The following KIF26B variants were observed in gnomAD, a reference collection of about 807,000 sequenced individuals.
The protein encoded by KIF26B is kinesin-like protein KIF26B.
A neutral mutation model predicts 151.2 loss-of-function variants in KIF26B; 63 were observed. That is an observed-to-expected ratio of 0.42 (90% CI 0.34 to 0.51). KIF26B has a LOEUF of 0.51. KIF26B is among the 20% of genes least tolerant of loss of function. The pLI is 0.07. For synonymous variants in KIF26B, 1,357 were observed against 1,262.1 expected, an observed-to-expected ratio of 1.08 and a Z score of -1.59; for missense variants, 2,813 against 2,913.6, an observed-to-expected ratio of 0.97 and a Z score of 0.79.
intron 4 of KIF26B, among the ~76,000 whole-genome samples, chr1:245,468,943 C>G (rs1479657271): frequency 2.6e-5 from 4 of 152,170 alleles, no homozygotes; most frequent in African/African-American, 7.2e-5. Context: ...AATATATATA[C>G]ACACATACCT....
At chr1:245,527,044 G>A (rs935809427) in intron 4 of KIF26B, among the ~76,000 whole-genome samples, 3 of 152,152 alleles carry the variant, frequency 2.0e-5, no homozygotes, top group Non-Finnish European at 2.9e-5. Context: ...GCTTTTAGGC[G>A]GGCTCTCTGT....
chr1:245,260,155 G>A (rs1330964277), intron 2 of KIF26B, among the ~76,000 whole-genome samples: 1 of 152,112 alleles, frequency 6.6e-6, no homozygotes. Context: ...TTGATGGTGA[G>A]AAGCTGGACT....
intron 2 of KIF26B, among the ~76,000 whole-genome samples, chr1:245,187,764 TAA>T (rs1285874942): frequency 1.3e-5 from 2 of 152,148 alleles, no homozygotes; most frequent in African/African-American, 2.4e-5. Context: ...TTCGTGGCTA[TAA>T]GAGATGATAA....
intron 4 of KIF26B, among the ~76,000 whole-genome samples, chr1:245,520,114 T>TGAGAGAGAGA (rs10650644): frequency 0.085 from 11,201 of 132,210 alleles, 575 homozygotes; most frequent in Middle Eastern, 0.13. Flanking sequence ...CTCAACTAAC[T>TGAGAGAGAGA]GAGAGAGAGA....
intron 2 of KIF26B, among the ~76,000 whole-genome samples, chr1:245,316,043 G>A (rs1671767371): frequency 2.0e-5 from 3 of 152,076 alleles, no homozygotes; most frequent in Admixed American, 2.0e-4. Context: ...GGCCTAACTA[G>A]ACCACAGCCT....
In KIF26B at chr1:245,257,282, T is replaced by C. The variant is rs538689231; in HGVS notation, c.465+100599T>C. Among the ~76,000 whole-genome samples the C allele has an allele frequency of 6.6e-5, 10 of 152,326 alleles. No homozygotes were observed. In the South Asian group the frequency reaches 2.1e-3, roughly 32 times the overall value. On this transcript the variant is annotated intron_variant, in intron 2 of 14. Transcript: ENST00000407071. ...ATTGACCTCTTGTGTTTCCCTACAA[T>C]GTATACAACCAAGCTATAGCCCGAC...
chr1:245,292,095 T>C (rs551891717), intron 2 of KIF26B, among the ~76,000 whole-genome samples: 12 of 152,234 alleles, frequency 7.9e-5, no homozygotes, highest in Non-Finnish European at 7.3e-5. Context: ...CGTGCAAGGC[T>C]GGACATGAAA....
In KIF26B at chr1:245,602,423, A is replaced by T. The variant is rs1353237019; in HGVS notation, c.1351-154A>T. Among the ~76,000 whole-genome samples, 14 of 152,234 alleles carry T rather than the reference A, an allele frequency of 9.2e-5. No individual in the cohort carries two copies. The highest frequency in any genetic ancestry group is 2.9e-4 in the African/African-American group (12 of 41,460). ...TCAGTTTTCCCGTGACCCACCAAGG[A>T]TGATGTTGCTAATTCACTGTGCATT... On this transcript the variant is annotated intron_variant, in intron 5 of 14. Transcript: ENST00000407071. The surrounding 1 kb of genome is among the most constrained non-coding windows in gnomAD (Gnocchi z 4.5).
At chr1:245,187,101 C>T (rs754929789) in intron 2 of KIF26B, among the ~76,000 whole-genome samples, 4 of 152,164 alleles carry the variant, frequency 2.6e-5, no homozygotes, top group African/African-American at 4.8e-5. Context: ...ATGATCTGTC[C>T]GCCTTGGACT....
chr1:245,696,269 C>T (rs995180521), intron 12 of KIF26B, among the ~76,000 whole-genome samples: 4 of 152,192 alleles, frequency 2.6e-5, no homozygotes, highest in African/African-American at 9.6e-5. Flanking sequence ...TGGGGGATGC[C>T]AGCTGCCATG....
chr1:245,528,329 G>A (rs1027280630), intron 4 of KIF26B, among the ~76,000 whole-genome samples: 2 of 152,162 alleles, frequency 1.3e-5, no homozygotes, highest in Non-Finnish European at 2.9e-5. Flanking sequence ...CCAGGTGCAC[G>A]GCGGCTGTCA....
intron 3 of KIF26B, among the ~76,000 whole-genome samples, chr1:245,409,176 G>A (rs1054360696): frequency 1.3e-5 from 2 of 152,186 alleles, no homozygotes; most frequent in Admixed American, 6.5e-5. Flanking sequence ...GTGCAAAACT[G>A]CAAGCTTCAT....
At chr1:245,631,509 T>A (rs1372422047) in intron 9 of KIF26B, among the ~76,000 whole-genome samples, 1 of 152,184 alleles carries the variant, frequency 6.6e-6, no homozygotes. Flanking sequence ...ATTGGTGTGT[T>A]GTTAGATTTG....
chr1:245,614,130 T>C (rs868378069), intron 9 of KIF26B, among the ~76,000 whole-genome samples: 1 of 152,160 alleles, frequency 6.6e-6, no homozygotes, highest in Admixed American at 6.5e-5. Context: ...CACGCGTCTC[T>C]TGTTTCTTCT....
In KIF26B at chr1:245,506,840, G is replaced by A. The variant is rs184505534; in HGVS notation, c.1167-33927G>A. Among the ~76,000 whole-genome samples the A allele has an allele frequency of 2.6e-3, 397 of 152,184 alleles. 1 individual carries two copies. The highest frequency in any genetic ancestry group is 8.7e-3 in the African/African-American group (361 of 41,520). On this transcript the variant is annotated intron_variant, in intron 4 of 14. Coordinates refer to ENST00000407071, the MANE Select transcript of KIF26B (RefSeq NM_018012.4). ...GGATTACAACCATGTAATTACACTC[G>A]GCTAAATTTTTTTGTATTTATTAGA...
intron 2 of KIF26B, among the ~76,000 whole-genome samples, chr1:245,221,331 C>T (rs1481949666): frequency 6.9e-6 from 1 of 145,268 alleles, no homozygotes; most frequent in Non-Finnish European, 1.5e-5. Context: ...TTCTAACAAG[C>T]GTGGTGGCCC....
chr1:245,188,653 G>C (rs905766771), intron 2 of KIF26B, among the ~76,000 whole-genome samples: 3 of 152,140 alleles, frequency 2.0e-5, no homozygotes, highest in Non-Finnish European at 2.9e-5. Flanking sequence ...AAAATGATAC[G>C]ACAGTTTTTC....
intron 4 of KIF26B, among the ~76,000 whole-genome samples, chr1:245,477,215 T>TA (rs1391056590): frequency 6.6e-6 from 1 of 151,884 alleles, no homozygotes; most frequent in Non-Finnish European, 1.5e-5. Flanking sequence ...CTTTTCTAAA[T>TA]AAAAAACACT....
At chr1:245,543,892 G>A (rs1661680204) in intron 5 of KIF26B, among the ~76,000 whole-genome samples, 1 of 152,190 alleles carries the variant, frequency 6.6e-6, no homozygotes, top group South Asian at 2.1e-4. Flanking sequence ...AGGTTGCAGT[G>A]AGCAGAGATC....
Sources: gnomAD v4.1 joint callset for allele counts (sites outside exome capture counted in the v4.1 genomes callset) on GRCh38, gnomAD v4.1.1 for gene constraint, Gnocchi (gnomAD v3.1) non-coding constraint, MANE v1.5 for transcripts, NCBI Gene and HGNC (gene_info 2026-07-23, HGNC 2026-07-21) for gene names.